ERCC6L2: variants seen among roughly 807,000 people sequenced by gnomAD.
The protein encoded by ERCC6L2 is DNA excision repair protein ERCC-6-like 2.
ERCC6L2 carries 77 observed loss-of-function variants against 132.0 expected under a neutral mutation model. The ratio of observed to expected loss-of-function variants is 0.58; its 90% confidence interval spans 0.49 to 0.71. ERCC6L2 has a LOEUF of 0.71. ERCC6L2 is among the 30% of genes least tolerant of loss of function. The probability of loss-of-function intolerance (pLI) is 0.00; values close to 1 mark genes in which losing one functional copy is unlikely to be tolerated. For missense variants in ERCC6L2, 1,542 were observed against 1,837.6 expected (o/e 0.84, Z 2.94); for synonymous variants, 583 against 632.4 (o/e 0.92, Z 1.17).
chr9:95,986,830 A>T (rs1184064461), intron 17 of ERCC6L2, among the ~76,000 whole-genome samples: 1 of 152,028 alleles, frequency 6.6e-6, no homozygotes, highest in East Asian at 1.9e-4. Flanking sequence ...ATATTAGTCC[A>T]TTTTCACATT....
At chr9:95,889,989 ATC>A in intron 2 of ERCC6L2, among the ~76,000 whole-genome samples, 1 of 152,164 alleles carries the variant, frequency 6.6e-6, no homozygotes, top group East Asian at 1.9e-4. Context: ...GCGCACATTA[ATC>A]TCTCACTGGA....
At position 95,966,546 on chromosome 9, in the gene ERCC6L2, G is replaced by T. The variant is rs763638636; in HGVS notation, c.1948-16G>T. On this transcript the variant is annotated splice_polypyrimidine_tract_variant and intron_variant, in intron 13 of 18. Coordinates refer to ENST00000653738, the MANE Select transcript of ERCC6L2 (RefSeq NM_020207.7). The stretch of plus-strand genomic sequence containing the variant: ...AGCAAACACTTCAAAAATGTCTTGT[G>T]TTTTTTCTGTTTTAGCAACTTCACT... The T allele has an allele frequency of 4.1e-6, 6 of 1,446,756 alleles. No individual in the cohort carries two copies. The African/African-American group carries it at 7.1e-5, about 17-fold the overall frequency. 89.6% of individuals were successfully genotyped at this position (1,446,756 alleles called of 1,614,324 possible). A position where few individuals can be genotyped will look rare whatever the true frequency, so the allele number is the denominator to read the frequency against.
chr9:95,962,062 C>G (rs1249060261), intron 13 of ERCC6L2, among the ~76,000 whole-genome samples: 1 of 151,972 alleles, frequency 6.6e-6, no homozygotes, highest in Non-Finnish European at 1.5e-5. Context: ...GGAACACAGC[C>G]AAACCGTATC....
chr9:95,958,033 C>G (rs2133001374), intron 13 of ERCC6L2, among the ~76,000 whole-genome samples: 1 of 113,936 alleles, frequency 8.8e-6, no homozygotes, highest in East Asian at 3.2e-4. Flanking sequence ...CCCCCTCCCC[C>G]CACCCCACAA....
Position 95,921,422 on chromosome 9 carries a change from C to A in ERCC6L2, c.1299+107C>A, listed in dbSNP as rs576137391. ...TAAAATACCTTTTCCTCAGACAGTT[C>A]TTTAAAGCTATGTCTTAAAAAATAG... is the stretch of plus-strand genomic sequence containing the variant. On this transcript the variant is annotated intron_variant, in intron 7 of 18. Transcript: ENST00000653738. 72 of 816,940 alleles carry A rather than the reference C, an allele frequency of 8.8e-5. 1 individual carries two copies. The South Asian group carries it at 2.0e-3, about 23-fold the overall frequency. 50.6% of individuals were successfully genotyped at this position (816,940 alleles called of 1,614,324 possible). A position where few individuals can be genotyped will look rare whatever the true frequency, so the allele number is the denominator to read the frequency against.
chr9:95,945,901 A>C (rs943731721), intron 12 of ERCC6L2, among the ~76,000 whole-genome samples: 5 of 152,208 alleles, frequency 3.3e-5, no homozygotes, highest in African/African-American at 7.2e-5. Context: ...TTTTTTAGAA[A>C]GAAGGAGAAA....
chr9:95,927,969 G>A, intron 9 of ERCC6L2, 110 bp from the exon 10 acceptor site: 1 of 740,846 alleles, frequency 1.3e-6, no homozygotes, highest in Non-Finnish European at 2.3e-6. Context: ...AATGAATGAG[G>A]TTAGTATTGT....
chr9:95,934,497 C>T (rs1301305653), intron 11 of ERCC6L2, among the ~76,000 whole-genome samples: 2 of 138,170 alleles, frequency 1.4e-5, no homozygotes, highest in Non-Finnish European at 3.2e-5. Flanking sequence ...AAAAATATGT[C>T]TTTAGTGACT....
At chr9:95,886,176 C>T (rs1451967574) in intron 2 of ERCC6L2, among the ~76,000 whole-genome samples, 1 of 151,982 alleles carries the variant, frequency 6.6e-6, no homozygotes, top group African/African-American at 2.4e-5. Flanking sequence ...CCACCACGCC[C>T]AGCTAATTTT....
At chr9:95,997,977 G>C (rs762589846) in intron 17 of ERCC6L2, among the ~76,000 whole-genome samples, 1 of 152,038 alleles carries the variant, frequency 6.6e-6, no homozygotes, top group African/African-American at 2.4e-5. Context: ...CTTTTCTAAC[G>C]AGCACCAAAA....
intron 13 of ERCC6L2, among the ~76,000 whole-genome samples, chr9:95,956,721 A>G (rs1193369177): frequency 2.0e-5 from 3 of 152,136 alleles, no homozygotes; most frequent in African/African-American, 7.2e-5. Flanking sequence ...TGAGAACTCA[A>G]TATCCTGAGA....
chr9:95,960,880 C>G (rs949713258), intron 13 of ERCC6L2, among the ~76,000 whole-genome samples: 1 of 151,660 alleles, frequency 6.6e-6, no homozygotes, highest in African/African-American at 2.4e-5. Context: ...ATTCAGAACT[C>G]TCCCACAAAG....
chr9:95,999,461 G>T (rs1588040627), intron 17 of ERCC6L2, among the ~76,000 whole-genome samples: 1 of 152,144 alleles, frequency 6.6e-6, no homozygotes, highest in East Asian at 1.9e-4. Context: ...AATAGCTATG[G>T]TTGCAAAAGC....
At chr9:95,989,535 A>G (rs1275823270) in intron 17 of ERCC6L2, among the ~76,000 whole-genome samples, 2 of 152,270 alleles carry the variant, frequency 1.3e-5, no homozygotes, top group East Asian at 1.9e-4. Flanking sequence ...CCTATCGGGC[A>G]TGAGTCAGGA....
At chr9:96,040,589 C>T (rs1338459365) in intron 20 of ERCC6L2, among the ~76,000 whole-genome samples, 1 of 152,154 alleles carries the variant, frequency 6.6e-6, no homozygotes, top group East Asian at 1.9e-4. Flanking sequence ...TAAGTCCAGG[C>T]CTATCCACAA....
chr9:95,899,593 T>TAC (rs1445467768), intron 3 of ERCC6L2, among the ~76,000 whole-genome samples: 1 of 119,468 alleles, frequency 8.4e-6, no homozygotes, highest in African/African-American at 4.0e-5. Context: ...TTTCTCTTTA[T>TAC]ATATATATGT....
At chr9:95,981,327 C>CA in intron 17 of ERCC6L2, among the ~76,000 whole-genome samples, 1 of 152,240 alleles carries the variant, frequency 6.6e-6, no homozygotes, top group East Asian at 1.9e-4. Context: ...ATCTACTCTT[C>CA]AAATTCAACC....
chr9:95,919,257 G>A (rs1829748131), intron 6 of ERCC6L2, among the ~76,000 whole-genome samples: 1 of 152,142 alleles, frequency 6.6e-6, no homozygotes, highest in African/African-American at 2.4e-5. Context: ...GTATTTGCTT[G>A]TATGCACCTT....
intron 12 of ERCC6L2, 55 bp downstream of exon 12, chr9:95,941,604 C>A (rs574248648): frequency 7.7e-7 from 1 of 1,306,302 alleles, no homozygotes; most frequent in Non-Finnish European, 1.1e-6. Flanking sequence ...TCTAAAAATA[C>A]TCTTGAACTT....
Sources: allele counts gnomAD v4.1 joint callset (sites outside exome capture counted in the v4.1 genomes callset), GRCh38; gene constraint gnomAD v4.1.1; transcripts MANE v1.5; gene names NCBI Gene and HGNC (gene_info 2026-07-23, HGNC 2026-07-21).